NRXN1: variants seen among roughly 807,000 people sequenced by gnomAD.
NRXN1 encodes the protein neurexin-1.
In NRXN1, 39 loss-of-function variants were observed where a neutral mutation model predicts 150.9. That is an observed-to-expected ratio of 0.26 (90% CI 0.20 to 0.34). The LOEUF (loss-of-function observed/expected upper bound fraction) is 0.34. NRXN1 is among the 10% of genes least tolerant of loss of function. The pLI is 1.00. For synonymous variants in NRXN1, 924 were observed against 757.0 expected, an observed-to-expected ratio of 1.22 and a Z score of -3.62; for missense variants, 1,815 against 1,949.9, an observed-to-expected ratio of 0.93 and a Z score of 1.30.
intron 18 of NRXN1, among the ~76,000 whole-genome samples, chr2:50,184,519 C>G (rs530937173): frequency 6.6e-6 from 1 of 151,972 alleles, no homozygotes; most frequent in East Asian, 1.9e-4. Flanking sequence ...GGTGTTTTAG[C>G]TAAAAGTATA....
At chr2:50,839,142 T>C (rs1252745718) in intron 5 of NRXN1, among the ~76,000 whole-genome samples, 1 of 152,178 alleles carries the variant, frequency 6.6e-6, no homozygotes, top group Non-Finnish European at 1.5e-5. Flanking sequence ...TAGTGACTTC[T>C]GTTTAAACTA....
At chr2:50,635,159 ATTC>A (rs1398544798) in intron 5 of NRXN1, among the ~76,000 whole-genome samples, 1 of 147,398 alleles carries the variant, frequency 6.8e-6, no homozygotes, top group African/African-American at 2.4e-5. Context: ...TACAGATTAA[ATTC>A]TTCTTTTTTT....
At chr2:50,190,203 T>G (rs1026090541) in intron 18 of NRXN1, among the ~76,000 whole-genome samples, 1 of 152,196 alleles carries the variant, frequency 6.6e-6, no homozygotes, top group African/African-American at 2.4e-5. Context: ...AAGTTTGCAA[T>G]TAAATACCAT....
intron 5 of NRXN1, among the ~76,000 whole-genome samples, chr2:50,703,667 G>C (rs1458679009): frequency 3.9e-5 from 6 of 152,126 alleles, no homozygotes; most frequent in Admixed American, 6.5e-5. Context: ...TAATTTAATA[G>C]CAACTTAATT....
chr2:51,004,410 T>G, intron 2 of NRXN1, among the ~76,000 whole-genome samples: 1 of 152,020 alleles, frequency 6.6e-6, no homozygotes, highest in East Asian at 1.9e-4. Flanking sequence ...TTTGGATAAG[T>G]CATCAGCCTA....
intron 17 of NRXN1, among the ~76,000 whole-genome samples, chr2:50,428,873 A>G (rs2084719947): frequency 6.6e-6 from 1 of 152,190 alleles, no homozygotes; most frequent in Admixed American, 6.5e-5. Context: ...AACTTTGCCA[A>G]TGTCACACAG....
chr2:50,750,360 G>T (rs1311847905), intron 5 of NRXN1, among the ~76,000 whole-genome samples: 1 of 150,072 alleles, frequency 6.7e-6, no homozygotes, highest in Non-Finnish European at 1.5e-5. Flanking sequence ...ATTAAAAAAT[G>T]TCACAGAAAA....
chr2:51,030,565 C>CAG (rs1190878098), intron 1 of NRXN1, among the ~76,000 whole-genome samples: 16 of 144,582 alleles, frequency 1.1e-4, no homozygotes, highest in Admixed American at 4.2e-4. Flanking sequence ...CACACACACA[C>CAG]ACACACAGTG....
intron 8 of NRXN1, among the ~76,000 whole-genome samples, chr2:50,596,807 A>T (rs2103882408): frequency 6.6e-6 from 1 of 151,108 alleles, no homozygotes; most frequent in South Asian, 2.1e-4. Flanking sequence ...TGGAAAATAA[A>T]ATCTATTTGG....
chr2:50,081,563 A>G (rs1251980468), intron 19 of NRXN1, among the ~76,000 whole-genome samples: 1 of 152,236 alleles, frequency 6.6e-6, no homozygotes, highest in Admixed American at 6.5e-5. Flanking sequence ...AAAACAAAAC[A>G]AAACAACTTA....
At chr2:50,056,431 T>C (rs1341827222) in intron 19 of NRXN1, among the ~76,000 whole-genome samples, 2 of 152,238 alleles carry the variant, frequency 1.3e-5, no homozygotes, top group Middle Eastern at 3.4e-3. Context: ...TAATATTTAA[T>C]TTAAAATGTA....
chr2:50,672,015 C>T (rs1385291777), intron 5 of NRXN1, among the ~76,000 whole-genome samples: 2 of 151,704 alleles, frequency 1.3e-5, no homozygotes, highest in African/African-American at 4.8e-5. Context: ...CAACTTGGTA[C>T]CTAACCTAAT....
At chr2:50,797,290 G>C (rs1706968005) in intron 5 of NRXN1, among the ~76,000 whole-genome samples, 1 of 152,068 alleles carries the variant, frequency 6.6e-6, no homozygotes, top group African/African-American at 2.4e-5. Context: ...TGCAGCAACG[G>C]CATTTGCAAC....
At chr2:50,157,332 G>C (rs1215620174) in intron 18 of NRXN1, among the ~76,000 whole-genome samples, 2 of 151,930 alleles carry the variant, frequency 1.3e-5, no homozygotes, top group Admixed American at 1.3e-4. Context: ...CAGTCATTCA[G>C]GCACAGAAAG....
chr2:50,903,309 C>G (rs926831702), intron 5 of NRXN1, among the ~76,000 whole-genome samples: 1 of 152,102 alleles, frequency 6.6e-6, no homozygotes, highest in Non-Finnish European at 1.5e-5. Context: ...GTCTTGTTGA[C>G]CAAAATGACT....
At chr2:50,338,142 AGAGACT>A (rs2077310964) in intron 17 of NRXN1, among the ~76,000 whole-genome samples, 1 of 152,246 alleles carries the variant, frequency 6.6e-6, no homozygotes, top group African/African-American at 2.4e-5. Flanking sequence ...CTTTGCTGAC[AGAGACT>A]AATTTATTAT....
In NRXN1 at chr2:50,542,905, T is replaced by C. The variant is rs191255816; in HGVS notation, c.1760-4269A>G. Among the ~76,000 whole-genome samples, 19 of 152,266 alleles carry C rather than the reference T, an allele frequency of 1.2e-4. No homozygotes were observed. In the South Asian group the frequency reaches 3.5e-3, roughly 28 times the overall value. ...CCAATTTAACTCATAGATATGAGCA[T>C]AGTGAAATTTAAATATTAAGGTTCC... On this transcript the variant is annotated intron_variant, in intron 9 of 22. Transcript: ENST00000401669.
At chr2:50,889,645 T>C (rs1680765647) in intron 5 of NRXN1, among the ~76,000 whole-genome samples, 1 of 151,750 alleles carries the variant, frequency 6.6e-6, no homozygotes, top group Non-Finnish European at 1.5e-5. Flanking sequence ...ATTTATGTAG[T>C]AGAGCTAAAA....
chr2:50,794,093 A>G (rs563163040), intron 5 of NRXN1, among the ~76,000 whole-genome samples: 1 of 152,210 alleles, frequency 6.6e-6, no homozygotes, highest in South Asian at 2.1e-4. Context: ...TAACTAGCCC[A>G]GAATGCCAAT....
Sources: gnomAD v4.1 joint callset for allele counts (sites outside exome capture counted in the v4.1 genomes callset) on GRCh38, gnomAD v4.1.1 for gene constraint, MANE v1.5 for transcripts, NCBI Gene and HGNC (gene_info 2026-07-23, HGNC 2026-07-21) for gene names.